The following ZNF407 variants were observed in gnomAD, a reference collection of about 807,000 sequenced individuals.
The protein encoded by ZNF407 is zinc finger protein 407.
Under a neutral mutation model 131.2 loss-of-function variants are expected in ZNF407, and 17 were observed. That is an observed-to-expected ratio of 0.13 (90% CI 0.09 to 0.19). ZNF407 has a LOEUF of 0.19. ZNF407 is among the 10% of genes least tolerant of loss of function. The probability of loss-of-function intolerance (pLI) is 1.00; values close to 1 mark genes in which losing one functional copy is unlikely to be tolerated. For missense variants in ZNF407, 2,681 were observed against 2,830.6 expected, an observed-to-expected ratio of 0.95 and a Z score of 1.20; for synonymous variants, 1,156 against 1,062.0, an observed-to-expected ratio of 1.09 and a Z score of -1.72.
intron 8 of ZNF407, among the ~76,000 whole-genome samples, chr18:74,948,599 A>AT (rs1972180504): frequency 6.6e-6 from 1 of 152,204 alleles, no homozygotes. Context: ...ATTCTGAAAT[A>AT]TTTTTATCTG....
chr18:74,801,021 T>G (rs1202670066), intron 4 of ZNF407, among the ~76,000 whole-genome samples: 3 of 152,110 alleles, frequency 2.0e-5, no homozygotes, highest in Non-Finnish European at 4.4e-5. Context: ...AAAGCAATCC[T>G]AGACATTTAG....
chr18:75,052,221 T>C (rs946870351), intron 8 of ZNF407, among the ~76,000 whole-genome samples: 1 of 152,248 alleles, frequency 6.6e-6, no homozygotes, highest in Non-Finnish European at 1.5e-5. Flanking sequence ...TGATTAAGCA[T>C]ATAAAGTGTT....
intron 8 of ZNF407, among the ~76,000 whole-genome samples, chr18:74,968,934 C>T (rs766830297): frequency 6.6e-6 from 1 of 152,142 alleles, no homozygotes; most frequent in East Asian, 1.9e-4. Flanking sequence ...CCCATGTTCC[C>T]TCGGGCTCTG....
At chr18:74,954,718 A>G (rs60442000) in intron 8 of ZNF407, among the ~76,000 whole-genome samples, 1,647 of 152,294 alleles carry the variant, frequency 0.011, 31 homozygotes, top group African/African-American at 0.037. Context: ...ATGAAACCGC[A>G]ACACACAGGG....
intron 4 of ZNF407, among the ~76,000 whole-genome samples, chr18:74,819,774 C>G (rs569372682): frequency 6.6e-6 from 1 of 152,298 alleles, no homozygotes; most frequent in South Asian, 2.1e-4. Flanking sequence ...CTGAATCTCC[C>G]TGCTGTCCCC....
chr18:75,027,962 G>T (rs1200401211), intron 8 of ZNF407, among the ~76,000 whole-genome samples: 1 of 152,196 alleles, frequency 6.6e-6, no homozygotes, highest in East Asian at 1.9e-4. Flanking sequence ...ACTGTGCCGT[G>T]GCAATGGTAA....
At chr18:74,704,770 A>T (rs7359727) in intron 3 of ZNF407, among the ~76,000 whole-genome samples, 118,710 of 152,172 alleles carry the variant, frequency 0.78, 46,628 homozygotes, top group East Asian at 0.89. Context: ...TGTTTCTGCA[A>T]TAAGTGTCTT....
At position 74,933,296 on chromosome 18, in the gene ZNF407, G is replaced by A. The variant is rs543466064; in HGVS notation, c.5428+12604G>A. On this transcript the variant is annotated intron_variant, in intron 8 of 8. Coordinates refer to ENST00000299687, the MANE Select transcript of ZNF407 (RefSeq NM_017757.3). ...GTTAAACAAGCCAGTCACACAAGAT[G>A]GCTTACATTGATAAGTATAATTGCA... Among the ~76,000 whole-genome samples the A allele has an allele frequency of 2.6e-5, 4 of 152,296 alleles. No homozygotes were observed. In the South Asian group the frequency reaches 6.2e-4, roughly 24 times the overall value.
chr18:74,948,146 G>A (rs996120192), intron 8 of ZNF407, among the ~76,000 whole-genome samples: 2 of 152,114 alleles, frequency 1.3e-5, no homozygotes, highest in Admixed American at 6.5e-5. Flanking sequence ...TGCTTGCTGC[G>A]TCTGTTAGCT....
At chr18:75,061,297 A>G (rs1055044948) in intron 8 of ZNF407, 1 of 152,246 alleles carries the variant, frequency 6.6e-6, no homozygotes, top group African/African-American at 2.4e-5. Flanking sequence ...TGGGTCACCT[A>G]TCGATCATTC....
At chr18:74,839,691 G>A (rs1970605530) in intron 4 of ZNF407, among the ~76,000 whole-genome samples, 1 of 152,166 alleles carries the variant, frequency 6.6e-6, no homozygotes, top group Non-Finnish European at 1.5e-5. Flanking sequence ...ATTGCCAGTT[G>A]CTAAGCAGTG....
intron 7 of ZNF407, among the ~76,000 whole-genome samples, chr18:74,918,556 G>C (rs1288172196): frequency 6.6e-6 from 1 of 152,138 alleles, no homozygotes; most frequent in East Asian, 1.9e-4. Flanking sequence ...ATTCGGTAGT[G>C]ACTCATGAGA....
intron 8 of ZNF407, among the ~76,000 whole-genome samples, chr18:74,968,059 T>A (rs1972428586): frequency 6.6e-6 from 1 of 152,192 alleles, no homozygotes; most frequent in East Asian, 1.9e-4. Context: ...AGAAGTGACT[T>A]GAGGAGCAAG....
chr18:74,828,821 A>T (rs1294265898), intron 4 of ZNF407, among the ~76,000 whole-genome samples: 1 of 135,160 alleles, frequency 7.4e-6, no homozygotes, highest in Non-Finnish European at 1.7e-5. Flanking sequence ...TATTTTCCTA[A>T]TGCATAAAAG....
chr18:74,907,025 A>G (rs1291713024), intron 7 of ZNF407, among the ~76,000 whole-genome samples: 2 of 152,242 alleles, frequency 1.3e-5, no homozygotes, highest in Non-Finnish European at 2.9e-5. Flanking sequence ...ATATGTGTAT[A>G]TGCACACACA....
At chr18:74,623,729 T>C (rs1983667148) in intron 1 of ZNF407, among the ~76,000 whole-genome samples, 1 of 152,192 alleles carries the variant, frequency 6.6e-6, no homozygotes, top group South Asian at 2.1e-4. Flanking sequence ...TTTTAAATCA[T>C]AGGCAGAGAA....
At chr18:74,785,160 A>G (rs1423529586) in intron 4 of ZNF407, among the ~76,000 whole-genome samples, 1 of 152,080 alleles carries the variant, frequency 6.6e-6, no homozygotes, top group Admixed American at 6.6e-5. Context: ...TTGTGTTTTT[A>G]CTGGTGAATA....
At chr18:74,938,694 A>G (rs1167224270) in intron 8 of ZNF407, among the ~76,000 whole-genome samples, 2 of 152,208 alleles carry the variant, frequency 1.3e-5, no homozygotes, top group African/African-American at 4.8e-5. Flanking sequence ...AATAATTGCC[A>G]CTTAAGGGAA....
intron 4 of ZNF407, among the ~76,000 whole-genome samples, chr18:74,810,010 A>G (rs138184286): frequency 1.6e-3 from 241 of 152,258 alleles, no homozygotes; most frequent in Non-Finnish European, 2.7e-3. Flanking sequence ...TGTGAGAGGA[A>G]CTCATTTTGA....
Sources: allele counts gnomAD v4.1 joint callset (sites outside exome capture counted in the v4.1 genomes callset), GRCh38; gene constraint gnomAD v4.1.1; transcripts MANE v1.5; gene names NCBI Gene and HGNC (gene_info 2026-07-23, HGNC 2026-07-21).